TSN: variants seen among roughly 807,000 people sequenced by gnomAD.
TSN encodes translin.
TSN carries 5 observed loss-of-function variants against 29.4 expected under a neutral mutation model. The ratio of observed to expected loss-of-function variants is 0.17; its 90% CI spans 0.09 to 0.36. The LOEUF (loss-of-function observed/expected upper bound fraction) is 0.36, where lower values mean the gene tolerates loss of function less well. Ranked by LOEUF, TSN falls within the 10% of genes least tolerant of loss-of-function variation. The probability of loss-of-function intolerance (pLI) is 1.00; values close to 1 mark genes in which losing one functional copy is unlikely to be tolerated. For synonymous variants in TSN, 106 were observed against 102.2 expected (o/e 1.04, Z -0.23); for missense variants, 159 against 272.8 (o/e 0.58, Z 2.94).
At chr2:121,761,571 T>C (rs2074828775) in intron 4 of TSN, 47 bp downstream of exon 4, 3 of 1,423,958 alleles carry the variant, frequency 2.1e-6, no homozygotes, top group Non-Finnish European at 3.0e-6. Flanking sequence ...CATGGTTGCT[T>C]ACTTTTTGGT....
At position 121,765,560 on chromosome 2, in the gene TSN, A is replaced by AT. The variant is rs1170365408; in HGVS notation, c.*201dup. The stretch of plus-strand genomic sequence containing the variant: ...AAAATATAGCCTTTACATGGACAGA[A>AT]TTTTTTTTGTTGTTTCAGTGAATAT... On this transcript the variant is annotated 3_prime_UTR_variant, in exon 6 of 6. Transcript: ENST00000389682. The AT allele has an allele frequency of 2.2e-5, 13 of 593,102 alleles. No homozygotes were observed. The highest frequency in any genetic ancestry group is 6.4e-5 in the South Asian group (3 of 46,878). The allele number at this position is 593,102 out of a possible 1,614,324, so 36.7% of individuals were successfully genotyped here.
intron 5 of TSN, among the ~76,000 whole-genome samples, chr2:121,763,355 C>CAGGA (rs2106456678): frequency 6.6e-6 from 1 of 152,190 alleles, no homozygotes; most frequent in East Asian, 1.9e-4. Flanking sequence ...CCGTGTTAGC[C>CAGGA]AGGATGGTCT....
At chr2:121,763,517 C>G (rs887720661) in intron 5 of TSN, among the ~76,000 whole-genome samples, 51 of 152,108 alleles carry the variant, frequency 3.4e-4, no homozygotes, top group African/African-American at 1.2e-3. Flanking sequence ...TCTCGGTCAC[C>G]AGGTAGTCAC....
rs2074732981 is a variant in TSN at position 121,755,681 on chromosome 2, G to C, written c.-99G>C. ...TGGCGTAAGACCGGGGGGACGCGGC[G>C]GTAGCGGCGGCCGTTGCGATTGATT... On this transcript the variant is annotated 5_prime_UTR_variant, in exon 1 of 6. Coordinates refer to ENST00000389682, the MANE Select transcript of TSN (RefSeq NM_004622.3). The C allele has an allele frequency of 6.7e-7, 1 of 1,500,542 alleles. No homozygotes were observed. The highest frequency in any genetic ancestry group is 1.4e-5 in the African/African-American group (1 of 73,100). 93.0% of individuals were successfully genotyped at this position (1,500,542 alleles called of 1,614,324 possible).
Position 121,755,698 on chromosome 2 carries a change from C to T in TSN, c.-82C>T. 6.4e-7 allele frequency: 1 copy of T among 1,568,496 alleles called. No individual in the cohort carries two copies. ...GACGCGGCGGTAGCGGCGGCCGTTG[C>T]GATTGATTGCGCTGGTTGCCTGCGG... is the stretch of plus-strand genomic sequence containing the variant. On this transcript the variant is annotated 5_prime_UTR_variant, in exon 1 of 6. Coordinates refer to ENST00000389682, the MANE Select transcript of TSN (RefSeq NM_004622.3).
chr2:121,759,156 A>G (rs1356485181), intron 3 of TSN, among the ~76,000 whole-genome samples: 1 of 152,242 alleles, frequency 6.6e-6, no homozygotes, highest in Non-Finnish European at 1.5e-5. Context: ...CAGTATATAT[A>G]TGGAGTCGAG....
chr2:121,765,418 G>A lies in TSN; in HGVS notation c.*51G>A. On this transcript the variant is annotated 3_prime_UTR_variant, in exon 6 of 6. Coordinates refer to ENST00000389682, the MANE Select transcript of TSN (RefSeq NM_004622.3). Reference sequence around the variant, plus strand: ...CTGACCTCAGCGGTTGCCAGGAAGGGGTGAGCACAGAGTGCCTCTTACGGT... The same window carrying A: ...CTGACCTCAGCGGTTGCCAGGAAGGAGTGAGCACAGAGTGCCTCTTACGGT... 2 of 1,565,534 alleles carry A rather than the reference G, an allele frequency of 1.3e-6. No individual in the cohort carries two copies. Among genetic ancestry groups the A allele is most frequent in the Non-Finnish European group, 1.8e-6 (2 of 1,138,068 alleles).
Position 121,765,856 on chromosome 2 carries a change from T to C in TSN, c.*489T>C, listed in dbSNP as rs1157801630. The C allele has an allele frequency of 6.5e-6, 1 of 153,726 alleles. No homozygotes were observed. The highest frequency in any genetic ancestry group is 1.4e-5 in the Non-Finnish European group (1 of 69,118). 9.5% of individuals were successfully genotyped at this position (153,726 alleles called of 1,614,324 possible). On this transcript the variant is annotated 3_prime_UTR_variant, in exon 6 of 6. Transcript: ENST00000389682. ...ATTTTATATTTTCCCTTCCTTATTT[T>C]AAGCATTGTGAGTAAATCAGATGTT...
intron 4 of TSN, among the ~76,000 whole-genome samples, chr2:121,762,200 C>T (rs943348380): frequency 3.3e-5 from 5 of 152,120 alleles, no homozygotes; most frequent in Non-Finnish European, 7.4e-5. Flanking sequence ...CCATGTTGGT[C>T]GGGCTAGTCT....
At position 121,755,676 on chromosome 2, in the gene TSN, G is replaced by A. The variant is rs888456011; in HGVS notation, c.-104G>A. ...GGTCGTGGCGTAAGACCGGGGGGACGCGGCGGTAGCGGCGGCCGTTGCGAT... is the reference window on the plus strand; with the variant it reads ...GGTCGTGGCGTAAGACCGGGGGGACACGGCGGTAGCGGCGGCCGTTGCGAT... On this transcript the variant is annotated 5_prime_UTR_variant, in exon 1 of 6. Transcript: ENST00000389682. 6 of 1,469,462 alleles carry A rather than the reference G, an allele frequency of 4.1e-6. No individual in the cohort carries two copies. Among genetic ancestry groups the A allele is most frequent in the Admixed American group, 1.8e-5 (1 of 56,528 alleles). The allele number at this position is 1,469,462 out of a possible 1,614,324, so 91.0% of individuals were successfully genotyped here. A position where few individuals can be genotyped will look rare whatever the true frequency, so the allele number is the denominator to read the frequency against.
At chr2:121,764,646 T>C (rs1161911612) in intron 5 of TSN, among the ~76,000 whole-genome samples, 1 of 151,874 alleles carries the variant, frequency 6.6e-6, no homozygotes, top group African/African-American at 2.4e-5. Flanking sequence ...AAATCAATGT[T>C]AGTTCTCCTT....
chr2:121,757,760 A>C (rs1282736964), intron 2 of TSN, among the ~76,000 whole-genome samples: 1 of 151,656 alleles, frequency 6.6e-6, no homozygotes. Context: ...GGGTTCAAGC[A>C]ATTCTCCTGC....
At chr2:121,760,197 ATAG>A (rs1329033075) in intron 3 of TSN, among the ~76,000 whole-genome samples, 3 of 152,180 alleles carry the variant, frequency 2.0e-5, no homozygotes, top group Non-Finnish European at 4.4e-5. Flanking sequence ...TTCGATTCTC[ATAG>A]TAGTGCGAAC....
chr2:121,756,532 A>G (rs1370521773), intron 1 of TSN: 10 of 732,296 alleles, frequency 1.4e-5, no homozygotes, highest in Non-Finnish European at 2.0e-5. Context: ...TTAAACCGCC[A>G]GAGGGAAGGG....
At chr2:121,757,182 G>A in intron 1 of TSN, 58 bp from the exon 2 acceptor site, 1 of 1,490,104 alleles carries the variant, frequency 6.7e-7, no homozygotes, top group Non-Finnish European at 9.3e-7. Context: ...TGTGTTTTGT[G>A]TGAGTGTATG....
At chr2:121,757,354 C>G in intron 2 of TSN, 21 bp downstream of exon 2, 1 of 1,613,560 alleles carries the variant, frequency 6.2e-7, no homozygotes, top group South Asian at 1.1e-5. Flanking sequence ...TGTTTTGTAT[C>G]CAATTATCAG....
At chr2:121,757,485 C>T in intron 2 of TSN, 152 bp downstream of exon 2, 1 of 1,401,118 alleles carries the variant, frequency 7.1e-7, no homozygotes, top group Non-Finnish European at 9.8e-7. Context: ...GTTGATTTTT[C>T]TTCCACTTCC....
At chr2:121,757,872 G>T (rs1375662914) in intron 2 of TSN, among the ~76,000 whole-genome samples, 1 of 151,772 alleles carries the variant, frequency 6.6e-6, no homozygotes, top group Non-Finnish European at 1.5e-5. Context: ...CACTTTGTTG[G>T]CCAGGCTGGT....
intron 5 of TSN, 140 bp downstream of exon 5, chr2:121,763,224 G>A (rs2074855592): frequency 1.8e-6 from 1 of 556,556 alleles, no homozygotes. Context: ...CTCACTGCAA[G>A]CTCCGCCTCC....
Sources: allele counts gnomAD v4.1 joint callset (sites outside exome capture counted in the v4.1 genomes callset), GRCh38; gene constraint gnomAD v4.1.1; transcripts MANE v1.5; gene names NCBI Gene and HGNC (gene_info 2026-07-23, HGNC 2026-07-21).